NKAIN2: variants seen among roughly 807,000 people sequenced by gnomAD.
NKAIN2 encodes sodium/potassium-transporting ATPase subunit beta-1-interacting protein 2.
Under a neutral mutation model 32.6 loss-of-function variants are expected in NKAIN2, and 14 were observed. That is an observed-to-expected ratio of 0.43 (90% confidence interval 0.28 to 0.67). NKAIN2 has a LOEUF of 0.67. NKAIN2 is among the 30% of genes least tolerant of loss of function. The pLI is 0.17. For missense variants in NKAIN2, 198 were observed against 258.3 expected (o/e 0.77, Z 1.60); for synonymous variants, 80 against 87.2 (o/e 0.92, Z 0.46).
intron 1 of NKAIN2, among the ~76,000 whole-genome samples, chr6:123,874,467 T>C (rs1040688954): frequency 4.6e-5 from 7 of 152,052 alleles, no homozygotes; most frequent in African/African-American, 1.7e-4. Flanking sequence ...TAGGGGGAAA[T>C]GGATATTGCA....
chr6:124,222,275 G>A (rs760026821), intron 1 of NKAIN2, among the ~76,000 whole-genome samples: 1 of 152,202 alleles, frequency 6.6e-6, no homozygotes. Flanking sequence ...AGATTACACT[G>A]AGGTTTGGGA....
intron 1 of NKAIN2, among the ~76,000 whole-genome samples, chr6:123,933,272 A>AT (rs1439909268): frequency 6.6e-6 from 1 of 152,226 alleles, no homozygotes; most frequent in Non-Finnish European, 1.5e-5. Context: ...AAAAATTTAA[A>AT]TTTTAAATTG....
At chr6:124,497,157 C>T (rs908623290) in intron 3 of NKAIN2, among the ~76,000 whole-genome samples, 5 of 152,138 alleles carry the variant, frequency 3.3e-5, no homozygotes, top group African/African-American at 7.2e-5. Context: ...ATTTAATGCT[C>T]ATTTAGCTTT....
At chr6:124,185,288 C>T (rs1284309928) in intron 1 of NKAIN2, among the ~76,000 whole-genome samples, 1 of 152,068 alleles carries the variant, frequency 6.6e-6, no homozygotes, top group Non-Finnish European at 1.5e-5. Flanking sequence ...AAAACATTTT[C>T]AATTTTCACC....
chr6:124,535,006 G>A (rs1245429670), intron 3 of NKAIN2, among the ~76,000 whole-genome samples: 1 of 152,148 alleles, frequency 6.6e-6, no homozygotes, highest in Non-Finnish European at 1.5e-5. Flanking sequence ...TTCTAGATAG[G>A]TTATAATACA....
At chr6:124,356,066 A>G (rs1050983519) in intron 3 of NKAIN2, among the ~76,000 whole-genome samples, 1 of 152,200 alleles carries the variant, frequency 6.6e-6, no homozygotes, top group African/African-American at 2.4e-5. Flanking sequence ...TCAAACTTGT[A>G]TGTACTTCCT....
At chr6:124,380,918 C>T (rs1479309762) in intron 3 of NKAIN2, among the ~76,000 whole-genome samples, 3 of 152,138 alleles carry the variant, frequency 2.0e-5, no homozygotes, top group Non-Finnish European at 4.4e-5. Context: ...TTCCACATTG[C>T]AAGTAACCTT....
intron 1 of NKAIN2, among the ~76,000 whole-genome samples, chr6:124,222,741 A>G (rs1791899506): frequency 6.6e-6 from 1 of 152,200 alleles, no homozygotes; most frequent in African/African-American, 2.4e-5. Flanking sequence ...AGGAATACTG[A>G]AAGCCAGGTG....
At chr6:123,999,078 T>C (rs1779767908) in intron 1 of NKAIN2, among the ~76,000 whole-genome samples, 1 of 151,978 alleles carries the variant, frequency 6.6e-6, no homozygotes. Flanking sequence ...TGGTGCTATT[T>C]ACATGCATAG....
At chr6:124,537,224 C>T (rs1779749169) in intron 3 of NKAIN2, among the ~76,000 whole-genome samples, 2 of 152,144 alleles carry the variant, frequency 1.3e-5, no homozygotes, top group Admixed American at 1.3e-4. Context: ...TTCTCCTAAA[C>T]TGAGAATTAG....
At chr6:124,701,138 TACACACACACACACGCACACACAC>T (rs1006421393) in intron 4 of NKAIN2, among the ~76,000 whole-genome samples, 24 of 119,002 alleles carry the variant, frequency 2.0e-4, no homozygotes, top group Middle Eastern at 4.9e-3. Context: ...AGGAGAGAGA[TACACACACACACACGCACACACAC>T]ACACACACAC....
intron 3 of NKAIN2, among the ~76,000 whole-genome samples, chr6:124,361,945 T>A (rs1799308135): frequency 6.6e-6 from 1 of 152,100 alleles, no homozygotes; most frequent in Non-Finnish European, 1.5e-5. Context: ...ATAAAACCAA[T>A]GCTTGTATCA....
intron 3 of NKAIN2, among the ~76,000 whole-genome samples, chr6:124,414,720 G>A (rs554267574): frequency 1.3e-5 from 2 of 152,122 alleles, no homozygotes; most frequent in Non-Finnish European, 2.9e-5. Flanking sequence ...TCTTAACTGA[G>A]TTTTGATAGT....
intron 4 of NKAIN2, among the ~76,000 whole-genome samples, chr6:124,784,727 C>T (rs1779425032): frequency 6.6e-6 from 1 of 152,014 alleles, no homozygotes; most frequent in Non-Finnish European, 1.5e-5. Flanking sequence ...TTTTATTTCT[C>T]TGAGATAAAA....
At chr6:124,499,377 A>ATTCTG (rs1778196024) in intron 3 of NKAIN2, among the ~76,000 whole-genome samples, 1 of 152,218 alleles carries the variant, frequency 6.6e-6, no homozygotes, top group Admixed American at 6.5e-5. Flanking sequence ...TTAAATAGTC[A>ATTCTG]TTCTGGGCTT....
intron 3 of NKAIN2, among the ~76,000 whole-genome samples, chr6:124,375,563 C>T (rs1212570158): frequency 6.6e-6 from 1 of 151,544 alleles, no homozygotes; most frequent in Non-Finnish European, 1.5e-5. Context: ...AGAAAGTTCT[C>T]ACATCATTTA....
rs77184325 is a variant in NKAIN2, at chr6:123,832,109, A to T, written c.54+27855A>T. On this transcript the variant is annotated intron_variant, in intron 1 of 6. Transcript: ENST00000368417. ...TGCAGAGTACTTTCACTGCCATGAC[A>T]AACCTCTGTGCTCCATCCATTCATC... Among the ~76,000 whole-genome samples the T allele has an allele frequency of 8.5e-3, 1,288 of 152,240 alleles. 20 individuals carry two copies. The highest frequency in any genetic ancestry group is 0.03 in the African/African-American group (1,248 of 41,536).
chr6:124,020,523 G>A (rs891363662), intron 1 of NKAIN2, among the ~76,000 whole-genome samples: 1 of 151,932 alleles, frequency 6.6e-6, no homozygotes, highest in Non-Finnish European at 1.5e-5. Flanking sequence ...ACACATTTCA[G>A]GAAAGAGGTT....
At chr6:124,759,648 C>T (rs930386746) in intron 4 of NKAIN2, among the ~76,000 whole-genome samples, 1 of 97,942 alleles carries the variant, frequency 1.0e-5, no homozygotes, top group African/African-American at 3.2e-5. Context: ...CACACACACA[C>T]ACACACACCC....
Sources: allele counts gnomAD v4.1 joint callset (sites outside exome capture counted in the v4.1 genomes callset), GRCh38; gene constraint gnomAD v4.1.1; transcripts MANE v1.5; gene names NCBI Gene and HGNC (gene_info 2026-07-23, HGNC 2026-07-21).